The following PACRG variants were observed in gnomAD, a reference collection of about 807,000 sequenced individuals.
PACRG encodes parkin coregulated gene protein.
In PACRG, 29 loss-of-function variants were observed where a neutral mutation model predicts 29.7. That is an observed-to-expected ratio of 0.98 (90% CI 0.73 to 1.33). The LOEUF (loss-of-function observed/expected upper bound fraction) is 1.33. Ranked by LOEUF, PACRG falls within the 40% of genes most tolerant of loss-of-function variation. The probability of loss-of-function intolerance (pLI) is 0.00; values close to 1 mark genes in which losing one functional copy is unlikely to be tolerated. For missense variants in PACRG, 279 were observed against 316.2 expected (o/e 0.88, Z 0.89); for synonymous variants, 116 against 118.7 (o/e 0.98, Z 0.15).
At chr6:162,762,192 G>A (rs1782428986) in intron 1 of PACRG, among the ~76,000 whole-genome samples, 1 of 152,154 alleles carries the variant, frequency 6.6e-6, no homozygotes, top group African/African-American at 2.4e-5. Context: ...ATGGAGGAAG[G>A]AGAACTTAAT....
In PACRG at chr6:162,728,276, C is replaced by G. The variant is rs763961063; in HGVS notation, c.41C>G (p.Pro14Arg). 6.2e-7 allele frequency: 1 copy of G among 1,613,982 alleles called. No individual in the cohort carries two copies. The highest frequency in any genetic ancestry group is 1.7e-5 in the Admixed American group (1 of 60,004). Residue 14 changes from proline to arginine, a missense_variant, in exon 1 of 5, where the codon CCA becomes CGA. By Grantham distance (103) the Pro-to-Arg change is moderately radical. Transcript: ENST00000366888. ...EKETLSLNKCPDKMPKRTKLL... is the reference protein window; with the variant it reads ...EKETLSLNKCRDKMPKRTKLL... The stretch of plus-strand genomic sequence containing the variant: ...GAGACCCTGAGCTTAAACAAATGCC[C>G]AGACAAGATGCCGAAGAGGACCAAG...
chr6:162,851,984 AAAGG>A (rs1562663654), intron 2 of PACRG, among the ~76,000 whole-genome samples: 2 of 113,136 alleles, frequency 1.8e-5, no homozygotes, highest in Non-Finnish European at 3.6e-5. Context: ...AGAGAAAAGA[AAAGG>A]GAGGGAGGGA....
At chr6:162,798,903 A>G (rs917252153) in intron 1 of PACRG, among the ~76,000 whole-genome samples, 1 of 152,182 alleles carries the variant, frequency 6.6e-6, no homozygotes, top group Non-Finnish European at 1.5e-5. Context: ...AGTATCTAAC[A>G]TATTTCAAAT....
chr6:162,868,178 A>T (rs1322581233), intron 2 of PACRG, among the ~76,000 whole-genome samples: 2 of 152,300 alleles, frequency 1.3e-5, no homozygotes, highest in African/African-American at 2.4e-5. Flanking sequence ...GGTGACTAGG[A>T]TAGGATACAC....
In PACRG at chr6:163,029,323, T is replaced by G. The variant is rs191506747; in HGVS notation, c.292-32827T>G. ...GAATTATCAGATACACTTGTGTTGT[T>G]TTAATATACTAAGTTTGGTGTAAGT... On this transcript the variant is annotated intron_variant, in intron 2 of 4. Coordinates refer to ENST00000366888, the MANE Select transcript of PACRG (RefSeq NM_001080379.2). Among the ~76,000 whole-genome samples, 613 of 152,316 alleles carry G rather than the reference T, an allele frequency of 4.0e-3. 3 individuals are homozygous for G. The highest frequency in any genetic ancestry group is 0.014 in the African/African-American group (585 of 41,566).
intron 2 of PACRG, among the ~76,000 whole-genome samples, chr6:162,976,446 G>T (rs1037302792): frequency 6.6e-6 from 1 of 152,272 alleles, no homozygotes; most frequent in African/African-American, 2.4e-5. Context: ...CTGGAGTTGA[G>T]GGGGGAAGAA....
intron 1 of PACRG, among the ~76,000 whole-genome samples, chr6:162,778,422 G>A (rs528409921): frequency 2.0e-5 from 3 of 152,082 alleles, no homozygotes; most frequent in Non-Finnish European, 2.9e-5. Context: ...TAACAAACAC[G>A]TTTAAAGCAC....
intron 4 of PACRG, among the ~76,000 whole-genome samples, chr6:163,219,233 T>C (rs1781481335): frequency 6.6e-6 from 1 of 152,228 alleles, no homozygotes; most frequent in Non-Finnish European, 1.5e-5. Flanking sequence ...CATTTCCCTC[T>C]CAGCCAATGC....
chr6:163,017,988 A>G (rs1026482721), intron 2 of PACRG, among the ~76,000 whole-genome samples: 2 of 152,066 alleles, frequency 1.3e-5, no homozygotes, highest in African/African-American at 4.8e-5. Flanking sequence ...ACTCCAGTCA[A>G]ATACATTCTT....
At chr6:162,763,505 CAT>C (rs1178492431) in intron 1 of PACRG, among the ~76,000 whole-genome samples, 1 of 152,196 alleles carries the variant, frequency 6.6e-6, no homozygotes, top group Non-Finnish European at 1.5e-5. Context: ...TATTTCCTAT[CAT>C]AAAGTCACAA....
intron 4 of PACRG, among the ~76,000 whole-genome samples, chr6:163,122,572 C>G (rs1816335443): frequency 6.6e-6 from 1 of 152,268 alleles, no homozygotes; most frequent in Middle Eastern, 3.4e-3. Context: ...TCCTCTCTTG[C>G]CACATGATCC....
At chr6:163,116,447 C>G (rs1416362095) in intron 4 of PACRG, among the ~76,000 whole-genome samples, 1 of 152,078 alleles carries the variant, frequency 6.6e-6, no homozygotes, top group African/African-American at 2.4e-5. Context: ...TAGGTCCAAA[C>G]TGTATCAAAT....
chr6:163,192,559 T>TA (rs1780261825), intron 4 of PACRG, among the ~76,000 whole-genome samples: 1 of 152,252 alleles, frequency 6.6e-6, no homozygotes. Flanking sequence ...TTATCAACCA[T>TA]AAAAATGTCT....
At chr6:162,947,621 T>TAATCATATATATATATATATATATAATC (rs1447230395) in intron 2 of PACRG, among the ~76,000 whole-genome samples, 4 of 47,936 alleles carry the variant, frequency 8.3e-5, no homozygotes, top group Non-Finnish European at 1.6e-4. Flanking sequence ...CATATATATA[T>TAATCATATATATATATATATATATAATC]ATATATATAT....
chr6:163,272,753 A>C (rs1345818220), intron 4 of PACRG, among the ~76,000 whole-genome samples: 2 of 152,146 alleles, frequency 1.3e-5, no homozygotes, highest in Non-Finnish European at 2.9e-5. Context: ...AATATTGTCC[A>C]GTGCTTTATC....
At chr6:163,292,430 C>G (rs1784644137) in intron 4 of PACRG, among the ~76,000 whole-genome samples, 1 of 152,178 alleles carries the variant, frequency 6.6e-6, no homozygotes, top group Non-Finnish European at 1.5e-5. Context: ...GAGATGGAGT[C>G]TTGCTCTGTC....
chr6:163,265,053 A>C (rs1030928411), intron 4 of PACRG, among the ~76,000 whole-genome samples: 121 of 152,200 alleles, frequency 8.0e-4, no homozygotes, highest in African/African-American at 2.9e-3. Flanking sequence ...CTAGTACTCT[A>C]TCTTATTTGT....
intron 2 of PACRG, among the ~76,000 whole-genome samples, chr6:162,980,241 C>T (rs1802298493): frequency 6.6e-6 from 1 of 152,000 alleles, no homozygotes; most frequent in Admixed American, 6.6e-5. Context: ...TTTTTAATTA[C>T]ACTGCATACA....
chr6:163,071,466 G>A (rs1257386137), intron 3 of PACRG, among the ~76,000 whole-genome samples: 1 of 151,878 alleles, frequency 6.6e-6, no homozygotes, highest in East Asian at 1.9e-4. Flanking sequence ...AAATTAAGAA[G>A]GAAATTGAAA....
Sources: allele counts gnomAD v4.1 joint callset (sites outside exome capture counted in the v4.1 genomes callset), GRCh38; gene constraint gnomAD v4.1.1; transcripts MANE v1.5; gene names NCBI Gene and HGNC (gene_info 2026-07-23, HGNC 2026-07-21).